STXBP6: variants seen among roughly 807,000 people sequenced by gnomAD.
STXBP6 encodes the protein syntaxin-binding protein 6.
STXBP6 carries 21 observed loss-of-function variants against 26.9 expected under a neutral mutation model. That is an observed-to-expected ratio of 0.78 (90% CI 0.55 to 1.12). The LOEUF (loss-of-function observed/expected upper bound fraction) is 1.12, where lower values mean the gene tolerates loss of function less well. Among genes scored for constraint, STXBP6 ranks in the 50% most tolerant of loss-of-function variants. The probability of loss-of-function intolerance (pLI) is 0.00; values close to 1 mark genes in which losing one functional copy is unlikely to be tolerated. For synonymous variants in STXBP6, 97 were observed against 92.6 expected (o/e 1.05, Z -0.27); for missense variants, 232 against 257.9 (o/e 0.90, Z 0.69).
At chr14:24,981,222 T>A (rs2074183661) in intron 1 of STXBP6, among the ~76,000 whole-genome samples, 1 of 152,198 alleles carries the variant, frequency 6.6e-6, no homozygotes, top group Non-Finnish European at 1.5e-5. Context: ...ACTGAATATA[T>A]CTTCCAAAGT....
At chr14:24,860,940 T>A (rs1373741255) in intron 2 of STXBP6, among the ~76,000 whole-genome samples, 1 of 149,968 alleles carries the variant, frequency 6.7e-6, no homozygotes, top group East Asian at 1.9e-4. Context: ...CTATCTCATA[T>A]TTGAGATAGC....
intron 2 of STXBP6, among the ~76,000 whole-genome samples, chr14:24,892,596 G>A (rs1003093817): frequency 3.3e-5 from 5 of 151,922 alleles, no homozygotes; most frequent in Admixed American, 2.0e-4. Flanking sequence ...GGGACCCCCC[G>A]CCCCCTCTCC....
intron 4 of STXBP6, among the ~76,000 whole-genome samples, chr14:24,825,773 A>C (rs1212172407): frequency 6.6e-6 from 1 of 152,220 alleles, no homozygotes; most frequent in Non-Finnish European, 1.5e-5. Context: ...CTCATTGACA[A>C]GGATCAAACA....
At chr14:24,836,445 A>G (rs1027817835) in intron 4 of STXBP6, among the ~76,000 whole-genome samples, 1 of 151,946 alleles carries the variant, frequency 6.6e-6, no homozygotes, top group Admixed American at 6.6e-5. Flanking sequence ...TAAATATACA[A>G]AAATTAGCCG....
intron 2 of STXBP6, among the ~76,000 whole-genome samples, chr14:24,879,218 A>G (rs778570390): frequency 5.9e-5 from 9 of 152,224 alleles, no homozygotes; most frequent in Non-Finnish European, 1.3e-4. Context: ...TACATAGAAA[A>G]TAATATGTAA....
chr14:24,935,108 T>A (rs2072549711), intron 2 of STXBP6, among the ~76,000 whole-genome samples: 1 of 152,158 alleles, frequency 6.6e-6, no homozygotes, highest in African/African-American at 2.4e-5. Flanking sequence ...ATGTATTTTA[T>A]AAAAATTAGT....
At chr14:24,965,601 G>A (rs577926906) in intron 2 of STXBP6, among the ~76,000 whole-genome samples, 3 of 152,086 alleles carry the variant, frequency 2.0e-5, no homozygotes, top group Non-Finnish European at 4.4e-5. Context: ...CATATACACA[G>A]TTCAGTTATT....
At chr14:24,925,584 G>A (rs1048248117) in intron 2 of STXBP6, among the ~76,000 whole-genome samples, 1 of 152,162 alleles carries the variant, frequency 6.6e-6, no homozygotes, top group African/African-American at 2.4e-5. Flanking sequence ...GTACCAAGAA[G>A]AGTGGCTTCA....
chr14:24,953,117 T>C (rs2073226453), intron 2 of STXBP6, among the ~76,000 whole-genome samples: 1 of 152,168 alleles, frequency 6.6e-6, no homozygotes, highest in Non-Finnish European at 1.5e-5. Context: ...TTCCCACTTC[T>C]GATAGCTGCC....
intron 4 of STXBP6, among the ~76,000 whole-genome samples, chr14:24,849,758 G>A (rs571273493): frequency 6.6e-6 from 1 of 152,258 alleles, no homozygotes; most frequent in African/African-American, 2.4e-5. Context: ...CTCCTCTGCT[G>A]TTCTGTGTCT....
At chr14:24,914,374 A>G (rs2071681228) in intron 2 of STXBP6, among the ~76,000 whole-genome samples, 2 of 152,162 alleles carry the variant, frequency 1.3e-5, no homozygotes, top group South Asian at 4.1e-4. Context: ...GGATAGTCAA[A>G]TGCTTGGCTT....
chr14:24,866,420 C>T (rs770541914), intron 2 of STXBP6, among the ~76,000 whole-genome samples: 1 of 151,814 alleles, frequency 6.6e-6, no homozygotes, highest in Admixed American at 6.6e-5. Context: ...TATGTGCATG[C>T]ATGTATATGT....
At chr14:24,930,208 G>C (rs575976880) in intron 2 of STXBP6, among the ~76,000 whole-genome samples, 1 of 151,832 alleles carries the variant, frequency 6.6e-6, no homozygotes, top group East Asian at 1.9e-4. Context: ...GGACAATCAC[G>C]TGGGGATAAT....
intron 4 of STXBP6, among the ~76,000 whole-genome samples, chr14:24,845,321 T>C (rs2068926486): frequency 6.6e-6 from 1 of 152,126 alleles, no homozygotes; most frequent in Non-Finnish European, 1.5e-5. Context: ...CATCAAAAGC[T>C]TCAACTATCA....
intron 1 of STXBP6, among the ~76,000 whole-genome samples, chr14:25,025,891 T>C (rs1475979141): frequency 6.6e-6 from 1 of 152,176 alleles, no homozygotes. Flanking sequence ...CACTCAACTG[T>C]TTAGCTTGGT....
chr14:25,020,148 C>T (rs1469773572), intron 1 of STXBP6, among the ~76,000 whole-genome samples: 1 of 152,136 alleles, frequency 6.6e-6, no homozygotes, highest in Non-Finnish European at 1.5e-5. Flanking sequence ...TTGGCCTGTT[C>T]TTGAAGGTTT....
chr14:25,020,909 C>G (rs187537197), intron 1 of STXBP6, among the ~76,000 whole-genome samples: 2 of 152,322 alleles, frequency 1.3e-5, no homozygotes, highest in Non-Finnish European at 2.9e-5. Flanking sequence ...GTGTCTACAA[C>G]TGTGCACCTG....
intron 2 of STXBP6, among the ~76,000 whole-genome samples, chr14:24,934,661 T>C (rs1249554316): frequency 6.6e-6 from 1 of 151,940 alleles, no homozygotes; most frequent in East Asian, 1.9e-4. Context: ...TAAACAATTG[T>C]AGGAAGGAAG....
At chr14:24,924,803 C>T (rs1031142403) in intron 2 of STXBP6, among the ~76,000 whole-genome samples, 8 of 152,046 alleles carry the variant, frequency 5.3e-5, no homozygotes, top group South Asian at 2.1e-4. Flanking sequence ...TGTCAGATTA[C>T]GACAAGTGAC....
Sources: gnomAD v4.1 joint callset for allele counts (sites outside exome capture counted in the v4.1 genomes callset) on GRCh38, gnomAD v4.1.1 for gene constraint, MANE v1.5 for transcripts, NCBI Gene and HGNC (gene_info 2026-07-23, HGNC 2026-07-21) for gene names.